IGF2: variants seen among roughly 807,000 people sequenced by gnomAD.
IGF2 encodes insulin-like growth factor 2.
In IGF2, 2 loss-of-function variants were observed where a neutral mutation model predicts 12.0. The ratio of observed to expected loss-of-function variants is 0.17; its 90% CI spans 0.07 to 0.52. The LOEUF (loss-of-function observed/expected upper bound fraction) is 0.52. Among genes scored for constraint, IGF2 ranks in the 20% least tolerant of loss-of-function variants. IGF2 has a pLI of 0.95. For synonymous variants in IGF2, 105 were observed against 110.1 expected (o/e 0.95, Z 0.29); for missense variants, 211 against 268.0 (o/e 0.79, Z 1.48).
At chr11:2,135,281 G>T in intron 2 of IGF2, 86 bp downstream of exon 2, 2 of 1,255,240 alleles carry the variant, frequency 1.6e-6, no homozygotes, top group Non-Finnish European at 2.2e-6. Flanking sequence ...ACCTAGGAGT[G>T]TGCTCCCCTG....
At chr11:2,149,319 TGGA>T in the IGF2 span, 2 of 1,612,644 alleles carry the variant, frequency 1.2e-6, no homozygotes, top group Non-Finnish European at 8.5e-7. Context: ...CAGGTTGACG[TGGA>T]GGAGGAGAGG....
chr11:2,131,528 TGA>T lies in IGF2; in HGVS notation c.*1457_*1458del, dbSNP rs1858548101. 4.4e-6 allele frequency: 1 copy of T among 226,910 alleles called. No homozygotes were observed. The highest frequency in any genetic ancestry group is 8.6e-6 in the Non-Finnish European group (1 of 116,954). 14.1% of individuals were successfully genotyped at this position (226,910 alleles called of 1,614,324 possible). Reference sequence around the variant, plus strand: ...GCTGTGTTCATGTATGTGCTGCGCATGAGTGTGTGTGCTGTGTGTGCATGTGT... The same window carrying T: ...GCTGTGTTCATGTATGTGCTGCGCATGTGTGTGTGCTGTGTGTGCATGTGT... On this transcript the variant is annotated 3_prime_UTR_variant, in exon 4 of 4. Coordinates refer to ENST00000416167, the MANE Select transcript of IGF2 (RefSeq NM_000612.6).
At chr11:2,144,826 A>G (rs1859818477), upstream of IGF2, among the ~76,000 whole-genome samples, 1 of 151,864 alleles carries the variant, frequency 6.6e-6, no homozygotes, top group African/African-American at 2.4e-5. Context: ...ATGGTGGGGG[A>G]TCCTGGGGCA....
chr11:2,139,575 C>CCGG (rs1859401501), upstream of IGF2, among the ~76,000 whole-genome samples: 1 of 9,972 alleles, frequency 1.0e-4, no homozygotes, highest in African/African-American at 7.1e-4. Context: ...CCCTGGGGCC[C>CCGG]CGGGGGGGGG....
Position 2,132,846 on chromosome 11 carries a change from G to T in IGF2, c.*141C>A. 1.6e-6 allele frequency: 1 copy of T among 625,316 alleles called. No individual in the cohort carries two copies. The highest frequency in any genetic ancestry group is 2.2e-5 in the South Asian group (1 of 46,070). The allele number at this position is 625,316 out of a possible 1,614,324, so 38.7% of individuals were successfully genotyped here. The stretch of plus-strand genomic sequence containing the variant: ...GAGAGTAGCCTGTTTCGGGGAGGCG[G>T]GGCACGGGGACTGGGTCAGGAGAAG... On this transcript the variant is annotated 3_prime_UTR_variant, in exon 4 of 4. Coordinates refer to ENST00000416167, the MANE Select transcript of IGF2 (RefSeq NM_000612.6).
chr11:2,138,856 G>A lies in IGF2; in HGVS notation c.-634C>T. On this transcript the variant is annotated 5_prime_UTR_variant, in exon 1 of 4. Coordinates refer to ENST00000416167, the MANE Select transcript of IGF2 (RefSeq NM_000612.6). ...GAAGGGCGCCACGTCGAGGGGCCGG[G>A]GGAGGCGGTGACTGGGGGGCGGAGT... 2 of 972,932 alleles carry A rather than the reference G, an allele frequency of 2.1e-6. No individual in the cohort carries two copies. Among genetic ancestry groups the A allele is most frequent in the South Asian group, 9.5e-5 (2 of 21,008 alleles). 60.3% of individuals were successfully genotyped at this position (972,932 alleles called of 1,614,324 possible).
the IGF2 span, chr11:2,147,792 G>A: frequency 1.6e-6 from 2 of 1,248,124 alleles, no homozygotes; most frequent in South Asian, 4.1e-5. The surrounding 1 kb of genome is among the most constrained non-coding windows in gnomAD (Gnocchi z 7.2). Flanking sequence ...CAAGCTCGGT[G>A]GTGACTCTTC....
At chr11:2,137,086 G>T in intron 1 of IGF2, 1 of 252,952 alleles carries the variant, frequency 4.0e-6, no homozygotes, top group Non-Finnish European at 6.3e-6. Context: ...CGGGCTGGCG[G>T]CTGCAGGGCC....
At position 2,131,039 on chromosome 11, in the gene IGF2, A is replaced by G; in HGVS notation, c.*1948T>C. ...CCTCACTCTGGCTGGGCCAACACAC[A>G]GTAAGTAAGGTGTATCGGGAATGGG... is the stretch of plus-strand genomic sequence containing the variant. On this transcript the variant is annotated 3_prime_UTR_variant, in exon 4 of 4. Coordinates refer to ENST00000416167, the MANE Select transcript of IGF2 (RefSeq NM_000612.6). 4.3e-6 allele frequency: 1 copy of G among 230,736 alleles called. No homozygotes were observed. Among genetic ancestry groups the G allele is most frequent in the East Asian group, 6.1e-5 (1 of 16,304 alleles). The allele number at this position is 230,736 out of a possible 1,614,324, so 14.3% of individuals were successfully genotyped here.
At chr11:2,134,009 C>T in intron 2 of IGF2, 1 of 435,328 alleles carries the variant, frequency 2.3e-6, no homozygotes, top group Non-Finnish European at 4.4e-6. Flanking sequence ...GGATGTGAGC[C>T]CAGTTCAGGG....
Position 2,133,453 on chromosome 11 carries a change from G to T in IGF2, c.306+64C>A. 1.3e-6 allele frequency: 2 copies of T among 1,513,640 alleles called. No homozygotes were observed. The highest frequency in any genetic ancestry group is 1.8e-6 in the Non-Finnish European group (2 of 1,126,898). The allele number at this position is 1,513,640 out of a possible 1,614,324, so 93.8% of individuals were successfully genotyped here. ...AGAGGTCCCAGAGGCCACAGGAAAC[G>T]CTGGGCGCCCGAAGCCCTATTTCTC... On this transcript the variant is annotated intron_variant, in intron 3 of 3. Coordinates refer to ENST00000416167, the MANE Select transcript of IGF2 (RefSeq NM_000612.6). The surrounding 1 kb of genome is among the most constrained non-coding windows in gnomAD (Gnocchi z 8.9).
Position 2,129,568 on chromosome 11 carries a change from G to A in IGF2, c.*3419C>T, listed in dbSNP as rs911842846. 10 of 228,584 alleles carry A rather than the reference G, an allele frequency of 4.4e-5. No homozygotes were observed. The highest frequency in any genetic ancestry group is 5.2e-5 in the Non-Finnish European group (6 of 115,018). The allele number at this position is 228,584 out of a possible 1,614,324, so 14.2% of individuals were successfully genotyped here. On this transcript the variant is annotated 3_prime_UTR_variant, in exon 4 of 4. Coordinates refer to ENST00000416167, the MANE Select transcript of IGF2 (RefSeq NM_000612.6). This position sits in a 1 kb window ranked among gnomAD's most constrained non-coding sequence, Gnocchi z 8.1. ...ATGGGCAGGTAATTTGGGGTGCCTC[G>A]AAGCGTTTTGGATCTCAGGCCAATG... is the stretch of plus-strand genomic sequence containing the variant.
chr11:2,148,953 C>T, the IGF2 span: 1 of 626,602 alleles, frequency 1.6e-6, no homozygotes. This position sits in a 1 kb window ranked among gnomAD's most constrained non-coding sequence, Gnocchi z 4.3. Flanking sequence ...ACACCCCATC[C>T]CTGAAGTTGA....
Position 2,132,911 on chromosome 11 carries a change from A to C in IGF2, c.*76T>G. ...GGAACCGAGAGATTTTCGGGATGGAACCTGATGGAAACGTCCGTGGTCAGG... is the reference window on the plus strand; with the variant it reads ...GGAACCGAGAGATTTTCGGGATGGACCCTGATGGAAACGTCCGTGGTCAGG... On this transcript the variant is annotated 3_prime_UTR_variant, in exon 4 of 4. Coordinates refer to ENST00000416167, the MANE Select transcript of IGF2 (RefSeq NM_000612.6). The C allele has an allele frequency of 9.7e-7, 1 of 1,032,516 alleles. No individual in the cohort carries two copies. Among genetic ancestry groups the C allele is most frequent in the Non-Finnish European group, 1.4e-6 (1 of 710,104 alleles). The allele number at this position is 1,032,516 out of a possible 1,614,324, so 64.0% of individuals were successfully genotyped here.
chr11:2,146,287 C>T, the IGF2 span: 1 of 535,574 alleles, frequency 1.9e-6, no homozygotes, highest in South Asian at 1.4e-5. Flanking sequence ...TGGGACCAAG[C>T]CCAGCATTTT....
At chr11:2,147,790 G>A in the IGF2 span, 6 of 1,248,184 alleles carry the variant, frequency 4.8e-6, no homozygotes, top group Non-Finnish European at 6.1e-6. The surrounding 1 kb of genome is among the most constrained non-coding windows in gnomAD (Gnocchi z 7.2). Context: ...CACAAGCTCG[G>A]TGGTGACTCT....
chr11:2,144,544 T>G (rs1047898458), upstream of IGF2, among the ~76,000 whole-genome samples: 9 of 151,770 alleles, frequency 5.9e-5, no homozygotes, highest in African/African-American at 2.2e-4. Flanking sequence ...AGGAGGGGGG[T>G]GCAGGGCTGC....
upstream of IGF2, among the ~76,000 whole-genome samples, chr11:2,141,606 G>A (rs1859602605): frequency 6.6e-6 from 1 of 152,132 alleles, no homozygotes; most frequent in African/African-American, 2.4e-5. Flanking sequence ...CACATTTTGG[G>A]GATCCAAACA....
chr11:2,149,403 G>A, the IGF2 span: 1 of 1,450,694 alleles, frequency 6.9e-7, no homozygotes, highest in Non-Finnish European at 9.5e-7. Context: ...CTACAGATGG[G>A]AGAGCCTCAT....
Sources: allele counts gnomAD v4.1 joint callset (sites outside exome capture counted in the v4.1 genomes callset), GRCh38; gene constraint gnomAD v4.1.1; non-coding constraint Gnocchi (gnomAD v3.1); transcripts MANE v1.5; gene names NCBI Gene and HGNC (gene_info 2026-07-23, HGNC 2026-07-21).